Variants in DDAH1 observed in about 807,000 individuals in gnomAD.
The protein encoded by DDAH1 is N(G),N(G)-dimethylarginine dimethylaminohydrolase 1.
DDAH1 carries 19 observed loss-of-function variants against 28.8 expected under a neutral mutation model. The ratio of observed to expected loss-of-function variants is 0.66; its 90% CI spans 0.46 to 0.97. The LOEUF (loss-of-function observed/expected upper bound fraction) is 0.97. Ranked by LOEUF, DDAH1 falls within the 50% of genes least tolerant of loss-of-function variation. The pLI is 0.00. For missense variants in DDAH1, 326 were observed against 375.9 expected, an observed-to-expected ratio of 0.87 and a Z score of 1.10; for synonymous variants, 153 against 154.4, an observed-to-expected ratio of 0.99 and a Z score of 0.07.
chr1:85,464,868 G>T lies in DDAH1; in HGVS notation c.178C>A (p.Leu60Met). 1.9e-6 allele frequency: 3 copies of T among 1,584,592 alleles called. No homozygotes were observed. The highest frequency in any genetic ancestry group is 2.6e-6 in the Non-Finnish European group (3 of 1,174,040). The change falls in exon 1 of 6, where the codon CTG becomes ATG. Residue 60 changes from leucine (L) to methionine (M), a missense_variant. Coordinates refer to ENST00000284031, the MANE Select transcript of DDAH1 (RefSeq NM_012137.4). This position sits in a 1 kb window ranked among gnomAD's most constrained non-coding sequence, Gnocchi z 4.4. ...TCGGCCGGCAGCTCCACCACCTGCAGCCCCAGCTTGCTGCCCAGCACGCCC... is the reference window on the plus strand; with the variant it reads ...TCGGCCGGCAGCTCCACCACCTGCATCCCCAGCTTGCTGCCCAGCACGCCC... ...YVGVLGSKLGLQVVELPADES... is the reference protein window; with the variant it reads ...YVGVLGSKLGMQVVELPADES...
At chr1:85,438,832 T>G (rs891537048) in intron 1 of DDAH1, among the ~76,000 whole-genome samples, 1 of 152,204 alleles carries the variant, frequency 6.6e-6, no homozygotes, top group African/African-American at 2.4e-5. Context: ...GATACTTTTG[T>G]TGAGCAGACT....
At chr1:85,436,128 A>C (rs1216606288) in intron 1 of DDAH1, among the ~76,000 whole-genome samples, 1 of 152,030 alleles carries the variant, frequency 6.6e-6, no homozygotes, top group Non-Finnish European at 1.5e-5. Flanking sequence ...ATTTTATTGC[A>C]TTGGCCATAA....
chr1:85,496,260 C>A, exon 2 of DDAH1: 2 of 983,684 alleles, frequency 2.0e-6, no homozygotes, highest in Non-Finnish European at 2.4e-6. Flanking sequence ...GTTACCAGAG[C>A]TCCTTTTCCA....
intron 1 of DDAH1, among the ~76,000 whole-genome samples, chr1:85,523,851 A>G (rs1657772031): frequency 6.6e-6 from 1 of 152,222 alleles, no homozygotes; most frequent in Non-Finnish European, 1.5e-5. Flanking sequence ...TGTCTTTGGC[A>G]TTAACATTAA....
intron 4 of DDAH1, among the ~76,000 whole-genome samples, chr1:85,337,463 T>G (rs1316404195): frequency 2.0e-5 from 3 of 152,040 alleles, no homozygotes; most frequent in Non-Finnish European, 4.4e-5. Flanking sequence ...CTAATTTTTT[T>G]TTTTTTTTGA....
chr1:85,490,889 C>T (rs1038817468), intron 2 of DDAH1, among the ~76,000 whole-genome samples: 8 of 152,216 alleles, frequency 5.3e-5, no homozygotes, highest in African/African-American at 1.9e-4. Flanking sequence ...CATGGCATCT[C>T]AGCCAGACAT....
At chr1:85,443,042 T>G (rs1456761566) in intron 1 of DDAH1, among the ~76,000 whole-genome samples, 1 of 152,216 alleles carries the variant, frequency 6.6e-6, no homozygotes, top group Non-Finnish European at 1.5e-5. Context: ...TAGATCCCAT[T>G]TGTCAATTTT....
chr1:85,326,733 C>T (rs1413443652), intron 4 of DDAH1, among the ~76,000 whole-genome samples: 1 of 152,218 alleles, frequency 6.6e-6, no homozygotes, highest in African/African-American at 2.4e-5. Context: ...AAGGACTTAA[C>T]TGGACATCTC....
At chr1:85,429,580 G>A (rs1653573799) in intron 1 of DDAH1, among the ~76,000 whole-genome samples, 3 of 152,312 alleles carry the variant, frequency 2.0e-5, no homozygotes, top group African/African-American at 7.2e-5. Flanking sequence ...AGATCCTTGA[G>A]GAATTGCCAC....
At chr1:85,462,213 G>C (rs1284430638) in intron 1 of DDAH1, among the ~76,000 whole-genome samples, 1 of 152,158 alleles carries the variant, frequency 6.6e-6, no homozygotes, top group African/African-American at 2.4e-5. Flanking sequence ...AAAAGCAATA[G>C]TCTGGTGAGC....
intron 2 of DDAH1, among the ~76,000 whole-genome samples, chr1:85,481,458 T>C: frequency 6.6e-6 from 1 of 152,176 alleles, no homozygotes; most frequent in East Asian, 1.9e-4. Context: ...GAAAACAAAT[T>C]ATTAATACAT....
chr1:85,351,041 G>C lies in DDAH1; in HGVS notation c.477+465C>G, dbSNP rs188744504. On this transcript the variant is annotated intron_variant, in intron 3 of 5. Transcript: ENST00000284031. ...TAAAAAAAATCTGTATTTCATAACA[G>C]AGTCAATTGGGTTTCCAAGTTTTTT... 7.3e-5 allele frequency among the ~76,000 whole-genome samples: 11 copies of C among 151,380 alleles called. No individual in the cohort carries two copies. In the East Asian group the frequency reaches 2.1e-3, roughly 29 times the overall value.
intron 4 of DDAH1, among the ~76,000 whole-genome samples, chr1:85,335,961 CTAAAATGAAATAAAA>C (rs1648082350): frequency 7.7e-6 from 1 of 129,998 alleles, no homozygotes; most frequent in Non-Finnish European, 1.6e-5. Flanking sequence ...GACCCTGTCT[CTAAAATGAAATAAAA>C]TAAAATAAAA....
chr1:85,357,400 A>G (rs895271334), intron 2 of DDAH1, among the ~76,000 whole-genome samples: 34 of 152,340 alleles, frequency 2.2e-4, no homozygotes, highest in Non-Finnish European at 1.5e-4. Context: ...TGGTGGCCCC[A>G]CCCATAGCGA....
chr1:85,425,640 C>T (rs1051399690), intron 1 of DDAH1, among the ~76,000 whole-genome samples: 5 of 152,054 alleles, frequency 3.3e-5, no homozygotes, highest in African/African-American at 7.2e-5. Context: ...AACTTAAATC[C>T]GAGGATAAGA....
chr1:85,561,652 C>G (rs1037630498), intron 1 of DDAH1, among the ~76,000 whole-genome samples: 1 of 152,092 alleles, frequency 6.6e-6, no homozygotes, highest in Non-Finnish European at 1.5e-5. Context: ...GAGAAAGTCA[C>G]ATTTAAAATT....
chr1:85,575,638 C>G (rs1179448425), intron 1 of DDAH1, among the ~76,000 whole-genome samples: 1 of 152,142 alleles, frequency 6.6e-6, no homozygotes. Flanking sequence ...ATGCATTTCA[C>G]CTAGACTATT....
At chr1:85,401,138 C>T (rs548761352) in intron 1 of DDAH1, among the ~76,000 whole-genome samples, 3 of 152,290 alleles carry the variant, frequency 2.0e-5, no homozygotes, top group South Asian at 4.1e-4. Context: ...CATTAAAAGG[C>T]GATCTTCGTG....
At chr1:85,412,923 C>A (rs2100599521) in intron 1 of DDAH1, among the ~76,000 whole-genome samples, 1 of 152,264 alleles carries the variant, frequency 6.6e-6, no homozygotes, top group Non-Finnish European at 1.5e-5. Flanking sequence ...ACTGATTGAG[C>A]CTAGCAGGTC....
Sources: gnomAD v4.1 joint callset for allele counts (sites outside exome capture counted in the v4.1 genomes callset) on GRCh38, gnomAD v4.1.1 for gene constraint, Gnocchi (gnomAD v3.1) non-coding constraint, MANE v1.5 for transcripts, NCBI Gene and HGNC (gene_info 2026-07-23, HGNC 2026-07-21) for gene names.